The following NRG1 variants were observed in gnomAD, a reference collection of about 807,000 sequenced individuals.
The protein encoded by NRG1 is neuregulin 1.
Under a neutral mutation model 63.8 loss-of-function variants are expected in NRG1, and 18 were observed. The observed-to-expected ratio is 0.28, with a 90% CI of 0.19 to 0.42. The LOEUF is 0.42. Among genes scored for constraint, NRG1 ranks in the 10% least tolerant of loss-of-function variants. The pLI is 1.00. For synonymous variants in NRG1, 302 were observed against 301.3 expected (o/e 1.00, Z -0.02); for missense variants, 762 against 814.7 (o/e 0.94, Z 0.79).
At chr8:32,384,554 T>C (rs1319383054) in intron 1 of NRG1, among the ~76,000 whole-genome samples, 1 of 152,244 alleles carries the variant, frequency 6.6e-6, no homozygotes, top group Admixed American at 6.5e-5. Flanking sequence ...AGCTCTCTGA[T>C]AACCTTGGGG....
intron 1 of NRG1, among the ~76,000 whole-genome samples, chr8:32,432,828 CCTT>C (rs1818313760): frequency 1.3e-5 from 2 of 152,076 alleles, no homozygotes; most frequent in African/African-American, 2.4e-5. Flanking sequence ...TGCAGTCTGC[CCTT>C]CTCAGGATGA....
At chr8:32,010,459 T>C (rs746875618) in intron 1 of NRG1, among the ~76,000 whole-genome samples, 2 of 152,084 alleles carry the variant, frequency 1.3e-5, no homozygotes, top group African/African-American at 2.4e-5. Context: ...AACTACAGTA[T>C]ACAGTTCCTG....
At chr8:32,192,417 G>A (rs1488886424) in intron 1 of NRG1, among the ~76,000 whole-genome samples, 2 of 152,076 alleles carry the variant, frequency 1.3e-5, no homozygotes, top group Non-Finnish European at 2.9e-5. Flanking sequence ...CATACAAAAG[G>A]TATGAAATCA....
chr8:32,236,029 A>G (rs1304908143), intron 1 of NRG1, among the ~76,000 whole-genome samples: 1 of 152,166 alleles, frequency 6.6e-6, no homozygotes, highest in East Asian at 1.9e-4. Context: ...GCTGAGAGCA[A>G]GAAGTTAAGT....
At chr8:31,705,574 A>G (rs377114419) in intron 1 of NRG1, among the ~76,000 whole-genome samples, 1 of 152,210 alleles carries the variant, frequency 6.6e-6, no homozygotes, top group Non-Finnish European at 1.5e-5. Context: ...TTGTGACAAG[A>G]TGATTCTATT....
In NRG1 at chr8:32,461,151, G is replaced by T. The variant is rs181684554; in HGVS notation, c.38-134677G>T. 3.6e-4 allele frequency among the ~76,000 whole-genome samples: 55 copies of T among 151,940 alleles called. No individual in the cohort carries two copies. In the East Asian group the frequency reaches 0.01, roughly 29 times the overall value. ...CCTACTCTTCCAATGGGCTCAGCTTGTCTCATGATTTAATAGTACTAAAAA... is the reference window on the plus strand; with the variant it reads ...CCTACTCTTCCAATGGGCTCAGCTTTTCTCATGATTTAATAGTACTAAAAA... On this transcript the variant is annotated intron_variant, in intron 1 of 10. Coordinates refer to the NRG1 transcript ENST00000519301.
intron 3 of NRG1, among the ~76,000 whole-genome samples, chr8:32,610,927 CCT>C: frequency 6.6e-6 from 1 of 151,988 alleles, no homozygotes; most frequent in Admixed American, 6.6e-5. Context: ...GTTTACACAC[CCT>C]ACACACTATA....
chr8:32,412,370 ACT>A (rs1245109828), intron 1 of NRG1, among the ~76,000 whole-genome samples: 1 of 116,390 alleles, frequency 8.6e-6, no homozygotes, highest in African/African-American at 3.4e-5. Context: ...CCTTGTCATA[ACT>A]CTCTTTCTCT....
intron 1 of NRG1, among the ~76,000 whole-genome samples, chr8:32,346,634 T>G (rs972421345): frequency 6.6e-6 from 1 of 152,094 alleles, no homozygotes; most frequent in Non-Finnish European, 1.5e-5. Flanking sequence ...CCTCACCAAA[T>G]AAGGAACCTG....
chr8:31,763,360 C>A (rs1315922309), intron 1 of NRG1, among the ~76,000 whole-genome samples: 1 of 152,180 alleles, frequency 6.6e-6, no homozygotes, highest in Admixed American at 6.6e-5. Flanking sequence ...ATGAAAAACA[C>A]TTTTCTGGTA....
At chr8:32,099,998 G>A (rs149348705) in intron 1 of NRG1, among the ~76,000 whole-genome samples, 65 of 152,160 alleles carry the variant, frequency 4.3e-4, no homozygotes, top group African/African-American at 1.5e-3. Context: ...ACAAGGGAAG[G>A]ATAGCTGGGG....
exon 2 of NRG1, chr8:32,595,938 T>C (rs112121976): frequency 6.2e-7 from 1 of 1,613,880 alleles, no homozygotes; most frequent in Non-Finnish European, 8.5e-7. Flanking sequence ...ATTCAAGTGG[T>C]TCAAGAATGG....
At chr8:31,770,022 T>G in intron 1 of NRG1, among the ~76,000 whole-genome samples, 1 of 151,896 alleles carries the variant, frequency 6.6e-6, no homozygotes, top group East Asian at 1.9e-4. Context: ...TTGGCATCTG[T>G]GGAAAGGAGA....
At chr8:31,792,838 A>G (rs1820845132) in intron 1 of NRG1, among the ~76,000 whole-genome samples, 1 of 152,186 alleles carries the variant, frequency 6.6e-6, no homozygotes, top group Non-Finnish European at 1.5e-5. Flanking sequence ...CTAGACTTGG[A>G]AACCATTGTC....
At chr8:32,338,951 A>G (rs1803690151) in intron 1 of NRG1, among the ~76,000 whole-genome samples, 1 of 152,160 alleles carries the variant, frequency 6.6e-6, no homozygotes. Context: ...AGAGGAGTTC[A>G]CAGCTCCTAT....
intron 1 of NRG1, among the ~76,000 whole-genome samples, chr8:32,577,679 G>A (rs1280756076): frequency 2.0e-5 from 3 of 151,340 alleles, no homozygotes; most frequent in Admixed American, 6.7e-5. Context: ...TAGTTAAATC[G>A]TTGTACCCTT....
At chr8:31,702,268 T>C (rs956769576) in intron 1 of NRG1, among the ~76,000 whole-genome samples, 1 of 152,172 alleles carries the variant, frequency 6.6e-6, no homozygotes, top group African/African-American at 2.4e-5. Flanking sequence ...TGACATCTAT[T>C]ATGATAACCC....
intron 1 of NRG1, among the ~76,000 whole-genome samples, chr8:31,736,252 A>C (rs976448056): frequency 3.3e-5 from 5 of 152,172 alleles, no homozygotes; most frequent in Non-Finnish European, 7.3e-5. Flanking sequence ...TCCAGTGCTA[A>C]GAATGAGCTT....
intron 1 of NRG1, among the ~76,000 whole-genome samples, chr8:31,962,695 C>A (rs1026575835): frequency 6.6e-6 from 1 of 152,154 alleles, no homozygotes; most frequent in African/African-American, 2.4e-5. Flanking sequence ...CACAAGCAAT[C>A]AATATCTAAT....
Sources: allele counts gnomAD v4.1 joint callset (sites outside exome capture counted in the v4.1 genomes callset), GRCh38; gene constraint gnomAD v4.1.1; transcripts MANE v1.5; gene names NCBI Gene and HGNC (gene_info 2026-07-23, HGNC 2026-07-21).